The following DCAF8 variants were observed in gnomAD, a reference collection of about 807,000 sequenced individuals.
The protein encoded by DCAF8 is DDB1- and CUL4-associated factor 8.
DCAF8 carries 20 observed loss-of-function variants against 68.0 expected under a neutral mutation model. The observed-to-expected ratio is 0.29, with a 90% confidence interval of 0.21 to 0.43. DCAF8 has a LOEUF of 0.43. Ranked by LOEUF, DCAF8 falls within the 20% of genes least tolerant of loss-of-function variation. The probability of loss-of-function intolerance (pLI) is 1.00; values close to 1 mark genes in which losing one functional copy is unlikely to be tolerated. For missense variants in DCAF8, 460 were observed against 771.0 expected (o/e 0.60, Z 4.78); for synonymous variants, 230 against 276.9 (o/e 0.83, Z 1.68).
chr1:160,233,400 AAAAC>A (rs1482675818), intron 6 of DCAF8, among the ~76,000 whole-genome samples: 1 of 152,182 alleles, frequency 6.6e-6, no homozygotes, highest in Admixed American at 6.5e-5. Context: ...TTTAAAATTA[AAAAC>A]AAACAAAAAA....
chr1:160,219,215 G>T (rs769563745), intron 11 of DCAF8: 2 of 426,650 alleles, frequency 4.7e-6, no homozygotes, highest in Admixed American at 3.8e-5. Flanking sequence ...TTCATCCCCA[G>T]ATATGGCCCT....
At position 160,262,458 on chromosome 1, in the gene DCAF8, C is replaced by CG; in HGVS notation, c.-111dup. 1 of 401,180 alleles carries CG rather than the reference C, an allele frequency of 2.5e-6. No homozygotes were observed. 24.9% of individuals were successfully genotyped at this position (401,180 alleles called of 1,614,324 possible). ...GCCGCCGCCATCTTACACTGGCCAG[C>CG]GGCCGCCACCACCACCGCCTCCGCT... On this transcript the variant is annotated 5_prime_UTR_variant, in exon 1 of 14. Coordinates refer to ENST00000368074, the MANE Select transcript of DCAF8 (RefSeq NM_015726.4).
At chr1:160,236,259 CACAA>C (rs1186577790) in intron 6 of DCAF8, among the ~76,000 whole-genome samples, 2 of 131,822 alleles carry the variant, frequency 1.5e-5, no homozygotes, top group Non-Finnish European at 3.2e-5. Flanking sequence ...AGGCATCACA[CACAA>C]ACACACACAC....
At chr1:160,258,244 G>A (rs546746003) in intron 2 of DCAF8, among the ~76,000 whole-genome samples, 11 of 152,274 alleles carry the variant, frequency 7.2e-5, no homozygotes, top group African/African-American at 2.6e-4. Context: ...CTACTCGAGA[G>A]GCTGAGATGG....
intron 1 of DCAF8, chr1:160,262,138 C>T (rs1389825554): frequency 7.7e-6 from 3 of 391,946 alleles, no homozygotes; most frequent in Non-Finnish European, 1.3e-5. Context: ...GCAACCAGTA[C>T]TCCCAGCGAT....
intron 6 of DCAF8, 100 bp from the exon 7 acceptor site, chr1:160,231,507 A>G: frequency 1.3e-6 from 1 of 763,750 alleles, no homozygotes; most frequent in Non-Finnish European, 2.2e-6. Context: ...TAAGAAACCA[A>G]AGAGATTCTC....
chr1:160,252,450 G>C (rs1157923194), intron 2 of DCAF8, among the ~76,000 whole-genome samples: 3 of 152,122 alleles, frequency 2.0e-5, no homozygotes, highest in Non-Finnish European at 4.4e-5. Context: ...CAGGACCAGA[G>C]CAAGAAAAGA....
intron 6 of DCAF8, among the ~76,000 whole-genome samples, chr1:160,234,527 C>T (rs1655803532): frequency 6.6e-6 from 1 of 152,194 alleles, no homozygotes; most frequent in African/African-American, 2.4e-5. Flanking sequence ...AAGTCATTCG[C>T]TCTATTCATT....
intron 2 of DCAF8, among the ~76,000 whole-genome samples, chr1:160,246,304 A>C (rs552607434): frequency 2.0e-5 from 3 of 152,200 alleles, no homozygotes; most frequent in Non-Finnish European, 4.4e-5. Flanking sequence ...AGCTGCAGAG[A>C]ACCTCTCTCA....
At chr1:160,261,094 C>T (rs1465964479) in intron 2 of DCAF8, among the ~76,000 whole-genome samples, 191 bp downstream of exon 2, 1 of 152,168 alleles carries the variant, frequency 6.6e-6, no homozygotes, top group African/African-American at 2.4e-5. Flanking sequence ...TAGTTTAGGA[C>T]AGAAAGACAA....
At position 160,224,569 on chromosome 1, in the gene DCAF8, A is replaced by C; in HGVS notation, c.1202-20T>G. 6.3e-7 allele frequency: 1 copy of C among 1,595,136 alleles called. No individual in the cohort carries two copies. Among genetic ancestry groups the C allele is most frequent in the Middle Eastern group, 1.7e-4 (1 of 5,974 alleles). On this transcript the variant is annotated intron_variant, in intron 9 of 13. Coordinates refer to ENST00000368074, the MANE Select transcript of DCAF8 (RefSeq NM_015726.4). ...GGAGCTCTGCCAAGAACAAGAACAT[A>C]GCAGTGAAGGCAAAGGCTGAAAAAA...
chr1:160,232,277 T>C (rs770705755), intron 6 of DCAF8, among the ~76,000 whole-genome samples: 16 of 152,066 alleles, frequency 1.1e-4, no homozygotes, highest in Non-Finnish European at 1.6e-4. Flanking sequence ...CCCAGCACTT[T>C]GGGAGGAACA....
At chr1:160,217,806 A>G in intron 13 of DCAF8, 98 bp from the exon 14 acceptor site, 1 of 917,798 alleles carries the variant, frequency 1.1e-6, no homozygotes, top group Non-Finnish European at 1.7e-6. Flanking sequence ...GCCAGAGATC[A>G]GCAGAATTTT....
intron 2 of DCAF8, among the ~76,000 whole-genome samples, chr1:160,245,256 T>A (rs887074464): frequency 1.3e-5 from 2 of 152,224 alleles, no homozygotes; most frequent in Non-Finnish European, 2.9e-5. Context: ...CCACCTCCAG[T>A]AAATTCCAAA....
chr1:160,259,056 G>C (rs1656951888), intron 2 of DCAF8, among the ~76,000 whole-genome samples: 1 of 152,196 alleles, frequency 6.6e-6, no homozygotes, highest in Admixed American at 6.5e-5. Context: ...TGATGGTAAT[G>C]AAAAGTTCAT....
chr1:160,247,370 G>C (rs1329569701), intron 2 of DCAF8, among the ~76,000 whole-genome samples: 1 of 152,132 alleles, frequency 6.6e-6, no homozygotes, highest in Non-Finnish European at 1.5e-5. Flanking sequence ...TAAGAATAAA[G>C]CCTTAAATTT....
intron 6 of DCAF8, among the ~76,000 whole-genome samples, chr1:160,231,789 A>G (rs1227379884): frequency 6.6e-6 from 1 of 152,230 alleles, no homozygotes; most frequent in Admixed American, 6.5e-5. Context: ...ATTTATAAAT[A>G]TATCTTCCCT....
chr1:160,253,572 T>A (rs758054598), intron 2 of DCAF8, among the ~76,000 whole-genome samples: 7 of 132,764 alleles, frequency 5.3e-5, no homozygotes, highest in Non-Finnish European at 9.3e-5. Flanking sequence ...CACTTGAACC[T>A]GGGAGGCAAA....
rs71628169 is a variant in DCAF8 at position 160,239,749 on chromosome 1, C to T, written c.671G>A (p.Arg224Gln). The T allele has an allele frequency of 1.1e-5, 17 of 1,614,124 alleles. No individual in the cohort carries two copies. Among genetic ancestry groups the T allele is most frequent in the African/African-American group, 2.7e-5 (2 of 74,934 alleles). The change falls in exon 4 of 14, where the codon CGG becomes CAG. Residue 224 changes from arginine to glutamine, a missense_variant. This residue lies in a region of DCAF8 where 170 missense variants were observed against 318.2 expected (regional missense o/e 0.53). Coordinates refer to ENST00000368074, the MANE Select transcript of DCAF8 (RefSeq NM_015726.4). ...DLKVVVWDWV[R>Q]RQPVLDFESG... Reference sequence around the variant, plus strand: ...CTCAAAGTCCAGTACTGGCTGCCGCCGTACCCAATCCCACACCACCACCTT... The same window carrying T: ...CTCAAAGTCCAGTACTGGCTGCCGCTGTACCCAATCCCACACCACCACCTT...
Sources: allele counts gnomAD v4.1 joint callset (sites outside exome capture counted in the v4.1 genomes callset), GRCh38; gene constraint gnomAD v4.1.1; regional missense constraint gnomAD v4.1.1; transcripts MANE v1.5; gene names NCBI Gene and HGNC (gene_info 2026-07-23, HGNC 2026-07-21).